The following LAP3 variants were observed in gnomAD, a reference collection of about 807,000 sequenced individuals.
LAP3 encodes the protein leucine aminopeptidase 3.
A neutral mutation model predicts 58.8 loss-of-function variants in LAP3; 46 were observed. The ratio of observed to expected loss-of-function variants is 0.78; its 90% CI spans 0.62 to 1.00. LAP3 has a LOEUF of 1.00. Ranked by LOEUF, LAP3 falls within the 50% of genes least tolerant of loss-of-function variation. The pLI, the probability that LAP3 is intolerant of heterozygous loss-of-function variation, is 0.00. For missense variants in LAP3, 615 were observed against 659.1 expected, an observed-to-expected ratio of 0.93 and a Z score of 0.73; for synonymous variants, 257 against 237.7, an observed-to-expected ratio of 1.08 and a Z score of -0.75.
rs1713241945 is a variant in LAP3 at position 17,577,559 on chromosome 4, A to G, written c.94A>G (p.Met32Val). 2 of 1,558,512 alleles carry G rather than the reference A, an allele frequency of 1.3e-6. No homozygotes were observed. Among genetic ancestry groups the G allele is most frequent in the Non-Finnish European group, 1.7e-6 (2 of 1,152,378 alleles). ...FGSRSLSTAD[M>V]TKGLVLGIYS... ...GAGCCGGAGTCTCTCCACCGCAGAC[A>G]TGACGAAGGTGAGAGGCGGCGGCTC... is the stretch of plus-strand genomic sequence containing the variant. The change falls in exon 1 of 13, where the codon ATG (methionine) becomes GTG (valine). Residue 32 changes from methionine (M) to valine (V), a missense_variant. By Grantham distance (21) the Met-to-Val change is conservative. Transcript: ENST00000226299.
chr4:17,587,700 G>A (rs995790937), intron 6 of LAP3: 11 of 152,076 alleles, frequency 7.2e-5, no homozygotes, highest in Non-Finnish European at 1.6e-4. Flanking sequence ...GAGCAATATG[G>A]CATCAGTTTT....
chr4:17,606,773 T>C, intron 11 of LAP3, 56 bp from the exon 12 acceptor site: 1 of 1,165,512 alleles, frequency 8.6e-7, no homozygotes, highest in Non-Finnish European at 1.3e-6. Context: ...GTTAATGCCA[T>C]GAATTTCCCA....
At chr4:17,596,041 G>A (rs976044441) in intron 8 of LAP3, among the ~76,000 whole-genome samples, 1 of 152,028 alleles carries the variant, frequency 6.6e-6, no homozygotes, top group African/African-American at 2.4e-5. Flanking sequence ...GAGGAGACGG[G>A]GAAGGAGGAG....
chr4:17,592,545 G>A (rs986031205), intron 7 of LAP3, among the ~76,000 whole-genome samples: 5 of 152,246 alleles, frequency 3.3e-5, no homozygotes, highest in African/African-American at 9.6e-5. Context: ...TTGTGTGGAC[G>A]TGTTTTCCTT....
Position 17,597,029 on chromosome 4 carries a change from T to C in LAP3, c.989-17T>C. ...ACCCAGTATATACTGTGTGCCTTCA[T>C]ATATTATTTCCAATAGGTCTGGCCC... On this transcript the variant is annotated splice_polypyrimidine_tract_variant and intron_variant, in intron 8 of 12. Transcript: ENST00000226299. 1.2e-6 allele frequency: 2 copies of C among 1,613,372 alleles called. No individual in the cohort carries two copies. Among genetic ancestry groups the C allele is most frequent in the South Asian group, 1.1e-5 (1 of 91,030 alleles).
Position 17,589,018 on chromosome 4 carries a change from A to G in LAP3, c.863+41A>G, listed in dbSNP as rs181148807. 7.9e-4 allele frequency: 1,253 copies of G among 1,582,000 alleles called. 2 individuals carry two copies. The highest frequency in any genetic ancestry group is 9.7e-4 in the South Asian group (86 of 88,306). The stretch of plus-strand genomic sequence containing the variant: ...TCCGTGCTTTGTATTTTGGTGAATT[A>G]TTTGTGTGCAGTTTAATTACTTGGT... On this transcript the variant is annotated intron_variant, in intron 7 of 12. Coordinates refer to ENST00000226299, the MANE Select transcript of LAP3 (RefSeq NM_015907.3).
chr4:17,594,911 T>A (rs1306122950), intron 7 of LAP3, among the ~76,000 whole-genome samples: 1 of 152,162 alleles, frequency 6.6e-6, no homozygotes, highest in South Asian at 2.1e-4. Context: ...CAGGAGTTAA[T>A]CAGACAATAC....
At chr4:17,582,560 T>A in intron 4 of LAP3, 167 bp downstream of exon 4, 2 of 598,748 alleles carry the variant, frequency 3.3e-6, no homozygotes, top group Non-Finnish European at 6.0e-6. Context: ...GTTGGCCTTA[T>A]GATAAATACA....
rs149762015 is a variant in LAP3 at position 17,577,514 on chromosome 4, C to A, written c.49C>A (p.Leu17Met). ...PAAGRVVVRR[L>M]AVRRFGSRSL... ...TGCGGGGCGAGTAGTCGTCCGACGT[C>A]TGGCCGTGAGACGTTTCGGGAGCCG... is the stretch of plus-strand genomic sequence containing the variant. Residue 17 changes from leucine to methionine, a missense_variant, in exon 1 of 13, where the codon CTG becomes ATG. Leu to Met is a conservative substitution (Grantham distance 15). Coordinates refer to ENST00000226299, the MANE Select transcript of LAP3 (RefSeq NM_015907.3). 1 of 1,587,518 alleles carries A rather than the reference C, an allele frequency of 6.3e-7. No homozygotes were observed. The highest frequency in any genetic ancestry group is 1.8e-5 in the Admixed American group (1 of 56,588).
intron 6 of LAP3, among the ~76,000 whole-genome samples, chr4:17,586,586 G>T (rs1375115791): frequency 2.0e-5 from 3 of 152,170 alleles, no homozygotes; most frequent in Non-Finnish European, 4.4e-5. Flanking sequence ...AGAAAGTGAG[G>T]ATGTTGTAAG....
At chr4:17,593,216 A>T (rs1477746378) in intron 7 of LAP3, among the ~76,000 whole-genome samples, 2 of 152,198 alleles carry the variant, frequency 1.3e-5, no homozygotes, top group Admixed American at 1.3e-4. Context: ...AAGGTTTTTT[A>T]AAAATATATT....
chr4:17,582,521 C>G, intron 4 of LAP3, 128 bp downstream of exon 4: 1 of 690,732 alleles, frequency 1.4e-6, no homozygotes, highest in East Asian at 2.8e-5. Context: ...TTCATCTTAA[C>G]AAAAATTCAG....
At chr4:17,604,458 C>A in intron 10 of LAP3, 130 bp from the exon 11 acceptor site, 1 of 647,412 alleles carries the variant, frequency 1.5e-6, no homozygotes, top group South Asian at 2.0e-5. Context: ...GAAAGATTTC[C>A]TAAGCTTATC....
At chr4:17,587,843 A>G (rs1424647108) in intron 6 of LAP3, among the ~76,000 whole-genome samples, 2 of 152,210 alleles carry the variant, frequency 1.3e-5, no homozygotes, top group African/African-American at 4.8e-5. Flanking sequence ...GTGTGTGACA[A>G]CATTAAAAAG....
chr4:17,580,508 C>G (rs977576544), intron 2 of LAP3, among the ~76,000 whole-genome samples: 2 of 151,852 alleles, frequency 1.3e-5, no homozygotes, highest in Non-Finnish European at 2.9e-5. Flanking sequence ...AAAGACTGAT[C>G]CAGAATAATC....
At chr4:17,601,611 C>G (rs1277476236) in intron 10 of LAP3, among the ~76,000 whole-genome samples, 1 of 151,970 alleles carries the variant, frequency 6.6e-6, no homozygotes, top group East Asian at 1.9e-4. Context: ...TAGGATCCCC[C>G]CTCAGATACC....
intron 4 of LAP3, 177 bp downstream of exon 4, chr4:17,582,570 A>T: frequency 1.7e-6 from 1 of 578,388 alleles, no homozygotes; most frequent in Non-Finnish European, 3.1e-6. Flanking sequence ...TGATAAATAC[A>T]GAAGGTTAGC....
rs1430557526 is a variant in LAP3, at chr4:17,583,632, C to A, written c.529C>A (p.Leu177Ile). Residue 177 changes from leucine (L) to isoleucine (I), a missense_variant, in exon 5 of 13, where the codon CTC becomes ATC. By Grantham distance (5) the Leu-to-Ile change is conservative (BLOSUM62 2). Transcript: ENST00000226299. The part of the protein sequence containing the change: ...QKKKMAVSAK[L>I]YGSGDQEAWQ... ...AAAGAAGATGGCTGTGTCGGCAAAGCTCTATGGAAGGTGATGGAAGCAAAT... is the reference window on the plus strand; with the variant it reads ...AAAGAAGATGGCTGTGTCGGCAAAGATCTATGGAAGGTGATGGAAGCAAAT... 6.2e-7 allele frequency: 1 copy of A among 1,613,324 alleles called. No individual in the cohort carries two copies. The highest frequency in any genetic ancestry group is 8.5e-7 in the Non-Finnish European group (1 of 1,180,040).
At chr4:17,607,355 C>A (rs765338821) in intron 12 of LAP3, 45 bp from the exon 13 acceptor site, 3 of 1,547,076 alleles carry the variant, frequency 1.9e-6, no homozygotes, top group Non-Finnish European at 2.6e-6. Flanking sequence ...GATCTCAGTG[C>A]ACATTTACAT....
Sources: gnomAD v4.1 joint callset for allele counts (sites outside exome capture counted in the v4.1 genomes callset) on GRCh38, gnomAD v4.1.1 for gene constraint, MANE v1.5 for transcripts, NCBI Gene and HGNC (gene_info 2026-07-23, HGNC 2026-07-21) for gene names.